SAXO1: variants seen among roughly 807,000 people sequenced by gnomAD.
SAXO1 encodes the protein 4930500O09Rik.
Under a neutral mutation model 17.5 loss-of-function variants are expected in SAXO1, and 21 were observed. That is an observed-to-expected ratio of 1.20 (90% CI 0.85 to 1.72). SAXO1 has a LOEUF of 1.72. Ranked by LOEUF, SAXO1 falls within the 40% of genes most tolerant of loss-of-function variation. The pLI is 0.00. For missense variants in SAXO1, 843 were observed against 596.0 expected (o/e 1.41, Z -4.32); for synonymous variants, 274 against 216.5 (o/e 1.27, Z -2.33).
chr9:18,980,276 G>C (rs1053940202), intron 1 of SAXO1, among the ~76,000 whole-genome samples: 11 of 152,074 alleles, frequency 7.2e-5, no homozygotes, highest in African/African-American at 2.4e-4. Context: ...CTCCACAGTA[G>C]GAGTTTAGGC....
chr9:19,040,022 C>T (rs1215662821), intron 1 of SAXO1, among the ~76,000 whole-genome samples: 2 of 152,182 alleles, frequency 1.3e-5, no homozygotes, highest in East Asian at 1.9e-4. Context: ...AGCCACTGTA[C>T]ATGGCCTGGA....
At chr9:18,956,644 C>T (rs975582570) in intron 1 of SAXO1, among the ~76,000 whole-genome samples, 2 of 152,134 alleles carry the variant, frequency 1.3e-5, no homozygotes, top group Non-Finnish European at 2.9e-5. Context: ...TTAACTCCTC[C>T]GAACTTCAAT....
Position 19,032,883 on chromosome 9 carries a change from A to G in SAXO1, c.26T>C (p.Leu9Pro), listed in dbSNP as rs1835827068. The G allele has an allele frequency of 6.2e-7, 1 of 1,610,794 alleles. No individual in the cohort carries two copies. The highest frequency in any genetic ancestry group is 8.5e-7 in the Non-Finnish European group (1 of 1,179,774). ...GTGGCCACCTTACCCGCAGGAGCAC[A>G]GTTCACAGATGCACTTCGTCTTCAT... The part of the protein sequence containing the change: MKTKCICE[L>P]CSCGRHHCPH... Residue 9 changes from leucine (L) to proline (P), a missense_variant, in exon 1 of 4, where the codon CTG becomes CCG. Physicochemically the swap from Leu to Pro is moderately conservative, Grantham distance 98 (BLOSUM62 -3). Transcript: ENST00000380534.
chr9:19,027,264 G>A (rs1215228881), intron 1 of SAXO1: 2 of 1,009,516 alleles, frequency 2.0e-6, no homozygotes, highest in Non-Finnish European at 3.2e-6. Context: ...TGGATTGGTG[G>A]ATGTTGAAAA....
chr9:18,956,327 A>C (rs1312411544), intron 1 of SAXO1, among the ~76,000 whole-genome samples: 1 of 152,134 alleles, frequency 6.6e-6, no homozygotes, highest in Non-Finnish European at 1.5e-5. Flanking sequence ...TTTCCCCTGC[A>C]ATCAACTGGC....
rs138162320 is a variant in SAXO1 at position 19,039,200 on chromosome 9, C to A, written c.-158+10009G>T. On this transcript the variant is annotated intron_variant, in intron 1 of 3. Coordinates refer to the SAXO1 transcript ENST00000542071. ...AGCAACATATAAAAAGGATTAAACA[C>A]CATGACCAAGAGGGATTTATCCCAA... Among the ~76,000 whole-genome samples the A allele has an allele frequency of 6.6e-4, 100 of 151,970 alleles. 2 individuals carry two copies. The East Asian group carries it at 0.011, about 17-fold the overall frequency.
intron 1 of SAXO1, among the ~76,000 whole-genome samples, chr9:19,004,790 A>T (rs1253086361): frequency 6.6e-6 from 1 of 152,230 alleles, no homozygotes; most frequent in Admixed American, 6.5e-5. Context: ...TGGGTGCAGC[A>T]GACCAACATG....
In SAXO1 at chr9:18,965,437, T is replaced by C. The variant is rs1395895100; in HGVS notation, c.39-14500A>G. 2.6e-5 allele frequency among the ~76,000 whole-genome samples: 4 copies of C among 152,242 alleles called. No homozygotes were observed. The South Asian group carries it at 6.2e-4, about 24-fold the overall frequency. On this transcript the variant is annotated intron_variant, in intron 1 of 3. Transcript: ENST00000380534. Reference sequence around the variant, plus strand: ...TGCTTTATGAATCTGGGTGCTCCTGTATTGGGTGCATATATATTTAGGATA... The same window carrying C: ...TGCTTTATGAATCTGGGTGCTCCTGCATTGGGTGCATATATATTTAGGATA...
At chr9:19,019,108 T>A (rs1336732477) in intron 1 of SAXO1, among the ~76,000 whole-genome samples, 5 of 149,628 alleles carry the variant, frequency 3.3e-5, no homozygotes, top group South Asian at 4.2e-4. Flanking sequence ...AAACTCCATC[T>A]CAAAAAAAAA....
chr9:18,998,348 C>G (rs1244319276), intron 1 of SAXO1, among the ~76,000 whole-genome samples: 2 of 151,626 alleles, frequency 1.3e-5, no homozygotes, highest in Non-Finnish European at 2.9e-5. Context: ...TTTGATCAAG[C>G]AGAAGAAAGA....
At position 19,033,129 on chromosome 9, in the gene SAXO1, G is replaced by C. The variant is rs929275874; in HGVS notation, c.-221C>G. On this transcript the variant is annotated 5_prime_UTR_variant, in exon 1 of 4. Transcript: ENST00000380534. The stretch of plus-strand genomic sequence containing the variant: ...AGGTAGCAGCAGGGGGCTTGCACGC[G>C]CGCCAGCCCGGGAGACCTCACCCTG... 11 of 483,082 alleles carry C rather than the reference G, an allele frequency of 2.3e-5. No homozygotes were observed. Among genetic ancestry groups the C allele is most frequent in the Non-Finnish European group, 3.6e-5 (10 of 275,362 alleles). The allele number at this position is 483,082 out of a possible 1,614,324, so 29.9% of individuals were successfully genotyped here. A position where few individuals can be genotyped will look rare whatever the true frequency, so the allele number is the denominator to read the frequency against.
At chr9:18,968,628 T>A (rs1832826036) in intron 1 of SAXO1, among the ~76,000 whole-genome samples, 1 of 150,760 alleles carries the variant, frequency 6.6e-6, no homozygotes, top group African/African-American at 2.5e-5. Flanking sequence ...AGTTTCACTC[T>A]TGTTGCCTAG....
intron 1 of SAXO1, among the ~76,000 whole-genome samples, chr9:18,972,715 C>A (rs541067994): frequency 1.3e-5 from 2 of 152,300 alleles, no homozygotes; most frequent in Admixed American, 1.3e-4. Context: ...AGCGTACCAA[C>A]AGAAGGGCCT....
At chr9:18,937,475 G>A (rs1474055410) in intron 3 of SAXO1, among the ~76,000 whole-genome samples, 2 of 152,160 alleles carry the variant, frequency 1.3e-5, no homozygotes, top group Non-Finnish European at 2.9e-5. Flanking sequence ...TTCTATCACA[G>A]GTGAGTGACA....
chr9:19,015,369 A>T (rs568362119), intron 1 of SAXO1, among the ~76,000 whole-genome samples: 2 of 152,174 alleles, frequency 1.3e-5, no homozygotes, highest in South Asian at 4.2e-4. Context: ...TTTGAGACAG[A>T]GTCTCATCCT....
rs184282015 is a variant in SAXO1 at position 18,999,883 on chromosome 9, C to G, written c.38+32988G>C. On this transcript the variant is annotated intron_variant, in intron 1 of 3. Transcript: ENST00000380534. ...ATCTGGGAAGTGAGGAGTGCCTCTA[C>G]CCAGCCGCCCCACCATCTGGGAAGT... is the stretch of plus-strand genomic sequence containing the variant. Among the ~76,000 whole-genome samples the G allele has an allele frequency of 9.7e-3, 1,388 of 142,630 alleles. 31 individuals carry two copies. Among genetic ancestry groups the G allele is most frequent in the African/African-American group, 0.034 (1,253 of 36,520 alleles). 93.6% of individuals were successfully genotyped at this position (142,630 alleles called of 152,430 possible).
intron 3 of SAXO1, among the ~76,000 whole-genome samples, chr9:18,940,088 T>A (rs1810281656): frequency 6.6e-6 from 1 of 152,148 alleles, no homozygotes; most frequent in African/African-American, 2.4e-5. Flanking sequence ...AGATAGGCCA[T>A]GAAGTAGAGA....
At chr9:18,980,481 G>C (rs1269110603) in intron 1 of SAXO1, among the ~76,000 whole-genome samples, 1 of 129,032 alleles carries the variant, frequency 7.8e-6, no homozygotes, top group African/African-American at 2.9e-5. Flanking sequence ...GGAAGGCCTT[G>C]CCAAAAGGAG....
intron 1 of SAXO1, among the ~76,000 whole-genome samples, chr9:19,030,459 C>A (rs1199485100): frequency 1.3e-5 from 2 of 152,074 alleles, no homozygotes; most frequent in Non-Finnish European, 2.9e-5. Flanking sequence ...GTAATCCCAA[C>A]ACTTTTGGAG....
Sources: allele counts gnomAD v4.1 joint callset (sites outside exome capture counted in the v4.1 genomes callset), GRCh38; gene constraint gnomAD v4.1.1; transcripts MANE v1.5; gene names NCBI Gene and HGNC (gene_info 2026-07-23, HGNC 2026-07-21).